Variants in MAP2K5 observed in about 807,000 individuals in gnomAD.
MAP2K5 encodes the protein dual specificity mitogen-activated protein kinase kinase 5.
A neutral mutation model predicts 83.1 loss-of-function variants in MAP2K5; 49 were observed. That is an observed-to-expected ratio of 0.59 (90% CI 0.47 to 0.75). MAP2K5 has a LOEUF of 0.75. MAP2K5 is among the 30% of genes least tolerant of loss of function. MAP2K5 has a pLI of 0.00. For missense variants in MAP2K5, 457 were observed against 557.5 expected (o/e 0.82, Z 1.82); for synonymous variants, 202 against 191.8 (o/e 1.05, Z -0.44).
chr15:67,559,106 C>T lies in MAP2K5; in HGVS notation c.185-4177C>T, dbSNP rs931697795. On this transcript the variant is annotated intron_variant, in intron 2 of 21. Coordinates refer to ENST00000178640, the MANE Select transcript of MAP2K5 (RefSeq NM_145160.3). This position sits in a 1 kb window ranked among gnomAD's most constrained non-coding sequence, Gnocchi z 4.7. The stretch of plus-strand genomic sequence containing the variant: ...AGGGCTTTAAACATGACATCTTTTC[C>T]GGTAGTTTCCTGTTGATGTCTTTCT... Among the ~76,000 whole-genome samples, 17 of 152,278 alleles carry T rather than the reference C, an allele frequency of 1.1e-4. No individual in the cohort carries two copies. Among genetic ancestry groups the T allele is most frequent in the African/African-American group, 3.6e-4 (15 of 41,570 alleles).
chr15:67,686,847 G>A (rs1270018703), intron 13 of MAP2K5, among the ~76,000 whole-genome samples: 2 of 152,104 alleles, frequency 1.3e-5, no homozygotes, highest in East Asian at 3.8e-4. Context: ...CTAAACCTGG[G>A]GGTAGGAGGG....
intron 16 of MAP2K5, among the ~76,000 whole-genome samples, chr15:67,715,306 G>A (rs1339558824): frequency 6.6e-6 from 1 of 152,070 alleles, no homozygotes; most frequent in East Asian, 1.9e-4. Flanking sequence ...GGCAGATGAT[G>A]GATTGACTAG....
At position 67,720,032 on chromosome 15, in the gene MAP2K5, C is replaced by T. The variant is rs138101432; in HGVS notation, c.1045-7884C>T. Among the ~76,000 whole-genome samples the T allele has an allele frequency of 1.7e-4, 26 of 152,182 alleles. 1 individual carries two copies. Among genetic ancestry groups the T allele is most frequent in the African/African-American group, 4.6e-4 (19 of 41,534 alleles). ...GCTGTTGATGGAAATCAACATGGAA[C>T]GGTTAAAGTGTCTGTAAAGCTACAA... On this transcript the variant is annotated intron_variant, in intron 16 of 21. Coordinates refer to ENST00000178640, the MANE Select transcript of MAP2K5 (RefSeq NM_145160.3). The surrounding 1 kb of genome is among the most constrained non-coding windows in gnomAD (Gnocchi z 5.7).
At position 67,806,758 on chromosome 15, in the gene MAP2K5, G is replaced by A. The variant is rs371074103; in HGVS notation, c.*8G>A. 2.3e-5 allele frequency: 36 copies of A among 1,561,928 alleles called. No homozygotes were observed. Among genetic ancestry groups the A allele is most frequent in the Non-Finnish European group, 2.9e-5 (34 of 1,157,022 alleles). On this transcript the variant is annotated 3_prime_UTR_variant, in exon 22 of 22. Transcript: ENST00000178640. ...CAGCAGGGGCCCCCGTGAGGCTGCC[G>A]CAGGGCACTGAAAGCCCAGGACCAG...
chr15:67,614,748 A>G (rs1031879595), intron 8 of MAP2K5, among the ~76,000 whole-genome samples: 1 of 152,214 alleles, frequency 6.6e-6, no homozygotes, highest in African/African-American at 2.4e-5. Context: ...TGATGACCAC[A>G]TTAACTCTGA....
At chr15:67,800,015 C>T (rs2090674308) in intron 21 of MAP2K5, among the ~76,000 whole-genome samples, 1 of 152,160 alleles carries the variant, frequency 6.6e-6, no homozygotes, top group Admixed American at 6.5e-5. Flanking sequence ...TCCTCTCCTT[C>T]CCTGGCCATT....
At chr15:67,744,729 T>C (rs1032877158) in intron 17 of MAP2K5, among the ~76,000 whole-genome samples, 4 of 152,248 alleles carry the variant, frequency 2.6e-5, no homozygotes, top group Non-Finnish European at 4.4e-5. Flanking sequence ...ACCAGAGCCA[T>C]TGGCTAAATA....
chr15:67,663,101 A>G (rs933997942), intron 12 of MAP2K5, among the ~76,000 whole-genome samples: 3 of 152,342 alleles, frequency 2.0e-5, no homozygotes, highest in South Asian at 4.1e-4. Flanking sequence ...ACATTTGAGA[A>G]TAAGTTACAG....
At chr15:67,699,463 C>T (rs2088356394) in intron 15 of MAP2K5, among the ~76,000 whole-genome samples, 1 of 152,216 alleles carries the variant, frequency 6.6e-6, no homozygotes, top group Non-Finnish European at 1.5e-5. Context: ...GCATCTGGAA[C>T]TAAGCAGAGA....
At position 67,708,120 on chromosome 15, in the gene MAP2K5, A is replaced by T. The variant is rs1465447337; in HGVS notation, c.1044+4712A>T. Among the ~76,000 whole-genome samples, 2 of 152,040 alleles carry T rather than the reference A, an allele frequency of 1.3e-5. No individual in the cohort carries two copies. The highest frequency in any genetic ancestry group is 6.6e-5 in the Admixed American group (1 of 15,254). ...TGCTTGAGGCCAGGAGTTCAACACTAGTCTGGGCAACATAGCAAGACTCCA... is the reference window on the plus strand; with the variant it reads ...TGCTTGAGGCCAGGAGTTCAACACTTGTCTGGGCAACATAGCAAGACTCCA... On this transcript the variant is annotated intron_variant, in intron 16 of 21. Coordinates refer to ENST00000178640, the MANE Select transcript of MAP2K5 (RefSeq NM_145160.3). This position sits in a 1 kb window ranked among gnomAD's most constrained non-coding sequence, Gnocchi z 4.9.
intron 8 of MAP2K5, among the ~76,000 whole-genome samples, chr15:67,630,352 A>G (rs1234167638): frequency 6.6e-6 from 1 of 152,138 alleles, no homozygotes; most frequent in Non-Finnish European, 1.5e-5. Context: ...ATATTTATTG[A>G]TTTAAGTTGT....
chr15:67,745,423 C>T (rs1222640391), intron 17 of MAP2K5, among the ~76,000 whole-genome samples: 1 of 152,232 alleles, frequency 6.6e-6, no homozygotes, highest in Non-Finnish European at 1.5e-5. Context: ...AGGGGCTTCA[C>T]TTTTTCATGA....
At chr15:67,734,506 C>G (rs114192272) in intron 17 of MAP2K5, among the ~76,000 whole-genome samples, 1 of 152,162 alleles carries the variant, frequency 6.6e-6, no homozygotes, top group South Asian at 2.1e-4. Context: ...ACATTGAGCA[C>G]TTTTCAAATG....
At position 67,587,027 on chromosome 15, in the gene MAP2K5, G is replaced by A; in HGVS notation, c.431+114G>A. On this transcript the variant is annotated intron_variant, in intron 6 of 21. Coordinates refer to ENST00000178640, the MANE Select transcript of MAP2K5 (RefSeq NM_145160.3). This position sits in a 1 kb window ranked among gnomAD's most constrained non-coding sequence, Gnocchi z 4.8. ...CAGTTAGATAACCTAGCTACGTATT[G>A]ACCAAAGAGAAAGGACCTCATATGG... 9.9e-7 allele frequency: 1 copy of A among 1,005,644 alleles called. No individual in the cohort carries two copies. The highest frequency in any genetic ancestry group is 1.6e-6 in the Non-Finnish European group (1 of 630,066). 62.3% of individuals were successfully genotyped at this position (1,005,644 alleles called of 1,614,324 possible).
intron 11 of MAP2K5, among the ~76,000 whole-genome samples, 199 bp downstream of exon 11, chr15:67,646,668 T>C (rs908247157): frequency 1.3e-5 from 2 of 152,190 alleles, no homozygotes; most frequent in South Asian, 2.1e-4. Flanking sequence ...ATTTTAAGAA[T>C]TGAACTTCAC....
chr15:67,703,249 C>T (rs2088466710), intron 15 of MAP2K5, 88 bp from the exon 16 acceptor site: 1 of 898,188 alleles, frequency 1.1e-6, no homozygotes, highest in Admixed American at 1.9e-5. Flanking sequence ...ATGTTGGTGG[C>T]TCCTCACCTT....
chr15:67,737,242 G>A (rs182240383), intron 17 of MAP2K5, among the ~76,000 whole-genome samples: 65 of 152,274 alleles, frequency 4.3e-4, no homozygotes, highest in Admixed American at 3.9e-3. Flanking sequence ...ATCCCTGGGG[G>A]GAGAATGGTC....
At chr15:67,670,529 A>G in intron 13 of MAP2K5, 1 of 450,422 alleles carries the variant, frequency 2.2e-6, no homozygotes, top group South Asian at 1.6e-5. Context: ...TTACAGAGAA[A>G]AGCTCTTCTT....
At position 67,806,721 on chromosome 15, in the gene MAP2K5, G is replaced by A. The variant is rs754268497; in HGVS notation, c.1318G>A (p.Glu440Lys). 1 of 1,552,542 alleles carries A rather than the reference G, an allele frequency of 6.4e-7. No homozygotes were observed. The highest frequency in any genetic ancestry group is 1.2e-5 in the South Asian group (1 of 84,290). ...CATGTGGGTGTGCCGGGCGCTGGAG[G>A]AGAGGCGGAGCCAGCAGGGGCCCCC... ...VSMWVCRALE[E>K]RRSQQGPP Residue 440 changes from glutamate (E) to lysine (K), a missense_variant, in exon 22 of 22, where the codon GAG (glutamate) becomes AAG (lysine). Physicochemically the swap from Glu to Lys is moderately conservative, Grantham distance 56. Around this residue, in one of 3 missense-constraint regions of MAP2K5, gnomAD observed 55 missense variants for 50.9 expected, o/e 1.08. Coordinates refer to ENST00000178640, the MANE Select transcript of MAP2K5 (RefSeq NM_145160.3).
Sources: allele counts gnomAD v4.1 joint callset (sites outside exome capture counted in the v4.1 genomes callset), GRCh38; gene constraint gnomAD v4.1.1; regional missense constraint gnomAD v4.1.1; non-coding constraint Gnocchi (gnomAD v3.1); transcripts MANE v1.5; gene names NCBI Gene and HGNC (gene_info 2026-07-23, HGNC 2026-07-21).